Variants in SLC44A1 observed in about 807,000 individuals in gnomAD.
SLC44A1 encodes solute carrier family 44 member 1.
Under a neutral mutation model 79.3 loss-of-function variants are expected in SLC44A1, and 26 were observed. The ratio of observed to expected loss-of-function variants is 0.33; its 90% CI spans 0.24 to 0.46. The LOEUF is 0.46. SLC44A1 is among the 20% of genes least tolerant of loss of function. The pLI, the probability that SLC44A1 is intolerant of heterozygous loss-of-function variation, is 1.00. For synonymous variants in SLC44A1, 263 were observed against 286.2 expected, an observed-to-expected ratio of 0.92 and a Z score of 0.82; for missense variants, 688 against 798.1, an observed-to-expected ratio of 0.86 and a Z score of 1.66.
At chr9:105,356,900 A>G (rs571431094) in intron 6 of SLC44A1, among the ~76,000 whole-genome samples, 2 of 152,332 alleles carry the variant, frequency 1.3e-5, no homozygotes, top group South Asian at 4.1e-4. Context: ...TAGTCAATAA[A>G]TAGATAATAA....
intron 7 of SLC44A1, among the ~76,000 whole-genome samples, chr9:105,359,995 C>G (rs1827732761): frequency 6.6e-6 from 1 of 152,202 alleles, no homozygotes; most frequent in Non-Finnish European, 1.5e-5. Context: ...GCCACACACA[C>G]ACATGTCTCT....
Position 105,402,975 on chromosome 9 carries a change from C to CTTTTT in SLC44A1, c.1950+17494_1950+17498dup, listed in dbSNP as rs780060821. On this transcript the variant is annotated intron_variant, in intron 15 of 15. Coordinates refer to the SLC44A1 transcript ENST00000374724. Reference sequence around the variant, plus strand: ...TACAGGCATGCACCTTCACACCCAGCTTTTTTTTTTTTTTTTTTTTTTTTT... The same window carrying CTTTTT: ...TACAGGCATGCACCTTCACACCCAGCTTTTTTTTTTTTTTTTTTTTTTTTTTTTTT... 5.4e-4 allele frequency among the ~76,000 whole-genome samples: 36 copies of CTTTTT among 66,370 alleles called. 1 individual carries two copies. The highest frequency in any genetic ancestry group is 1.7e-3 in the African/African-American group (22 of 13,160). 43.5% of individuals were successfully genotyped at this position (66,370 alleles called of 152,430 possible).
chr9:105,282,533 A>G (rs1830378042), intron 1 of SLC44A1, among the ~76,000 whole-genome samples: 1 of 151,952 alleles, frequency 6.6e-6, no homozygotes, highest in South Asian at 2.1e-4. Flanking sequence ...CTTCTTAATA[A>G]TAGATTGGGT....
chr9:105,356,017 C>T, intron 5 of SLC44A1, 195 bp from the exon 6 acceptor site: 1 of 572,494 alleles, frequency 1.7e-6, no homozygotes, highest in Non-Finnish European at 3.1e-6. Context: ...TTTGATAAGG[C>T]TTGTGGTAAG....
intron 15 of SLC44A1, among the ~76,000 whole-genome samples, chr9:105,408,325 AAAAT>A (rs1373557184): frequency 6.6e-6 from 1 of 152,234 alleles, no homozygotes; most frequent in African/African-American, 2.4e-5. Context: ...AAAAAAATAA[AAAAT>A]AAAAACATCA....
At chr9:105,278,600 C>T (rs1222071599) in intron 1 of SLC44A1, among the ~76,000 whole-genome samples, 1 of 152,026 alleles carries the variant, frequency 6.6e-6, no homozygotes, top group Non-Finnish European at 1.5e-5. Context: ...AGGCTGGTCT[C>T]GAACTCCTGA....
In SLC44A1 at chr9:105,389,774, T is replaced by G; in HGVS notation, c.*718T>G. On this transcript the variant is annotated 3_prime_UTR_variant, in exon 16 of 16. Coordinates refer to ENST00000374720, the MANE Select transcript of SLC44A1 (RefSeq NM_080546.5). ...AGATAATCTTTCGTATGCAAACTTTTCCCTTATATTTTGTCTTTCTTTCCT... is the reference window on the plus strand; with the variant it reads ...AGATAATCTTTCGTATGCAAACTTTGCCCTTATATTTTGTCTTTCTTTCCT... 7.6e-7 allele frequency: 1 copy of G among 1,319,934 alleles called. No individual in the cohort carries two copies. The highest frequency in any genetic ancestry group is 9.7e-7 in the Non-Finnish European group (1 of 1,029,864). 81.8% of individuals were successfully genotyped at this position (1,319,934 alleles called of 1,614,324 possible).
chr9:105,436,573 C>T (rs1034394019), intron 15 of SLC44A1, among the ~76,000 whole-genome samples: 3 of 152,110 alleles, frequency 2.0e-5, no homozygotes, highest in Non-Finnish European at 4.4e-5. Context: ...AGAGGAAGAC[C>T]TTGTCTCAAA....
intron 3 of SLC44A1, among the ~76,000 whole-genome samples, chr9:105,312,819 A>G (rs1264480552): frequency 6.6e-6 from 1 of 152,056 alleles, no homozygotes; most frequent in Non-Finnish European, 1.5e-5. Flanking sequence ...CTGTTGTGCT[A>G]GCGTATCTAT....
intron 15 of SLC44A1, among the ~76,000 whole-genome samples, chr9:105,409,801 A>T (rs1829072751): frequency 6.6e-6 from 1 of 152,240 alleles, no homozygotes; most frequent in Non-Finnish European, 1.5e-5. Context: ...TTCAAAATGG[A>T]TAGAATAACT....
intron 1 of SLC44A1, among the ~76,000 whole-genome samples, chr9:105,258,972 T>C (rs1236530649): frequency 6.6e-6 from 1 of 152,108 alleles, no homozygotes; most frequent in Non-Finnish European, 1.5e-5. Context: ...CCCAAAATGC[T>C]GGCATTACAG....
At position 105,244,899 on chromosome 9, in the gene SLC44A1, G is replaced by T; in HGVS notation, c.31G>T (p.Ala11Ser). The change falls in exon 1 of 16, where the codon GCG becomes TCG. Residue 11 changes from alanine (A) to serine (S), a missense_variant. Ala to Ser is a moderately conservative substitution (Grantham distance 99). Coordinates refer to ENST00000374720, the MANE Select transcript of SLC44A1 (RefSeq NM_080546.5). MGCCSSASSA[A>S]QSSKREWKPL... is the part of the protein sequence containing the mutation. The stretch of plus-strand genomic sequence containing the variant: ...CTGCTGCAGCTCCGCCTCCTCCGCC[G>T]CGCAGGTGAGGGGCTCCCGCCTCCC... 1 of 1,180,580 alleles carries T rather than the reference G, an allele frequency of 8.5e-7. No individual in the cohort carries two copies. The highest frequency in any genetic ancestry group is 1.0e-6 in the Non-Finnish European group (1 of 956,258). 73.1% of individuals were successfully genotyped at this position (1,180,580 alleles called of 1,614,324 possible).
intron 1 of SLC44A1, among the ~76,000 whole-genome samples, chr9:105,283,593 A>G (rs559588656): frequency 6.6e-6 from 1 of 152,362 alleles, no homozygotes; most frequent in East Asian, 1.9e-4. Context: ...ATCAACTGAC[A>G]GGCAGACCAG....
chr9:105,357,426 A>C (rs1226141765), intron 6 of SLC44A1, among the ~76,000 whole-genome samples: 1 of 152,240 alleles, frequency 6.6e-6, no homozygotes, highest in Non-Finnish European at 1.5e-5. Flanking sequence ...AATAGTGCCA[A>C]TAATGCTAAG....
chr9:105,360,391 T>C (rs1827744721), intron 7 of SLC44A1, among the ~76,000 whole-genome samples: 1 of 152,218 alleles, frequency 6.6e-6, no homozygotes, highest in Non-Finnish European at 1.5e-5. Context: ...CTTGTTTTCT[T>C]ATTTTTTTGT....
Position 105,351,614 on chromosome 9 carries a change from GAA to G in SLC44A1, c.500+3165_500+3166del, listed in dbSNP as rs1491352806. 6.8e-4 allele frequency among the ~76,000 whole-genome samples: 72 copies of G among 105,276 alleles called. 3 individuals are homozygous for G. The highest frequency in any genetic ancestry group is 2.5e-3 in the African/African-American group (56 of 21,978). The allele number at this position is 105,276 out of a possible 152,430, so 69.1% of individuals were successfully genotyped here. On this transcript the variant is annotated intron_variant, in intron 5 of 15. Coordinates refer to ENST00000374720, the MANE Select transcript of SLC44A1 (RefSeq NM_080546.5). ...AGAGAAAGAGAAAGAAAGAAAGAAA[GAA>G]AGAAAGAGAGAGAAAGAGAAAGAAA...
chr9:105,354,231 T>C (rs1178521151), intron 5 of SLC44A1, among the ~76,000 whole-genome samples: 1 of 150,694 alleles, frequency 6.6e-6, no homozygotes, highest in Non-Finnish European at 1.5e-5. Flanking sequence ...TTTGTATTTT[T>C]AGTAGAGACG....
In SLC44A1 at chr9:105,394,753, G is replaced by T. The variant is rs968780791; in HGVS notation, c.*5697G>T. The T allele has an allele frequency of 4.1e-6, 4 of 985,256 alleles. No homozygotes were observed. The highest frequency in any genetic ancestry group is 5.2e-4 in the Middle Eastern group (1 of 1,936). 61.0% of individuals were successfully genotyped at this position (985,256 alleles called of 1,614,324 possible). A position where few individuals can be genotyped will look rare whatever the true frequency, so the allele number is the denominator to read the frequency against. ...CCATAGTTGGCAAAAAATAAATTTG[G>T]TAGAAAGTTGGAGGAGCAGATGCTG... On this transcript the variant is annotated 3_prime_UTR_variant, in exon 16 of 16. Transcript: ENST00000374720.
chr9:105,389,402 TA>T lies in SLC44A1; in HGVS notation c.*351del, dbSNP rs1162512019. 9.6e-7 allele frequency: 1 copy of T among 1,041,948 alleles called. No homozygotes were observed. Among genetic ancestry groups the T allele is most frequent in the African/African-American group, 1.7e-5 (1 of 59,602 alleles). The allele number at this position is 1,041,948 out of a possible 1,614,324, so 64.5% of individuals were successfully genotyped here. A position where few individuals can be genotyped will look rare whatever the true frequency, so the allele number is the denominator to read the frequency against. Reference sequence around the variant, plus strand: ...ACTTAGAGGAGATTTTAACTTTATTTAAAAATAGGTAAAATTATTGTACCTA... The same window carrying T: ...ACTTAGAGGAGATTTTAACTTTATTTAAAATAGGTAAAATTATTGTACCTA... On this transcript the variant is annotated 3_prime_UTR_variant, in exon 16 of 16. Transcript: ENST00000374720.
Sources: allele counts gnomAD v4.1 joint callset (sites outside exome capture counted in the v4.1 genomes callset), GRCh38; gene constraint gnomAD v4.1.1; transcripts MANE v1.5; gene names NCBI Gene and HGNC (gene_info 2026-07-23, HGNC 2026-07-21).